The following CDC42BPA variants were observed in gnomAD, a reference collection of about 807,000 sequenced individuals.
The protein encoded by CDC42BPA is serine/threonine-protein kinase MRCK alpha.
In CDC42BPA, 80 loss-of-function variants were observed where a neutral mutation model predicts 223.5. The ratio of observed to expected loss-of-function variants is 0.36; its 90% CI spans 0.30 to 0.43. The LOEUF (loss-of-function observed/expected upper bound fraction) is 0.43, where lower values mean the gene tolerates loss of function less well. Ranked by LOEUF, CDC42BPA falls within the 20% of genes least tolerant of loss-of-function variation. The pLI is 1.00. For missense variants in CDC42BPA, 1,743 were observed against 2,099.9 expected (o/e 0.83, Z 3.32); for synonymous variants, 694 against 718.6 (o/e 0.97, Z 0.55).
In CDC42BPA at chr1:227,289,526, C is replaced by T. The variant is rs184702045; in HGVS notation, c.178+27479G>A. ...CTCTTATTTTCTTTATAGCTCTTAC[C>T]ATTATCTGAAATAATCTTATTTACA... On this transcript the variant is annotated intron_variant, in intron 1 of 36. Coordinates refer to ENST00000366766, the MANE Select transcript of CDC42BPA (RefSeq NM_001394014.1). 2.4e-3 allele frequency among the ~76,000 whole-genome samples: 367 copies of T among 152,226 alleles called. 5 individuals carry two copies. Among genetic ancestry groups the T allele is most frequent in the Non-Finnish European group, 3.9e-3 (266 of 68,008 alleles).
chr1:227,186,934 G>C (rs1005006940), intron 5 of CDC42BPA, among the ~76,000 whole-genome samples: 1 of 152,108 alleles, frequency 6.6e-6, no homozygotes, highest in Non-Finnish European at 1.5e-5. Context: ...AAGAGCTTCT[G>C]ATATTTTAAT....
rs144065998 is a variant in CDC42BPA, at chr1:227,100,227, C to T, written c.2249+765G>A. Among the ~76,000 whole-genome samples the T allele has an allele frequency of 2.8e-3, 427 of 152,248 alleles. 3 individuals carry two copies. The highest frequency in any genetic ancestry group is 9.9e-3 in the African/African-American group (413 of 41,552). On this transcript the variant is annotated intron_variant, in intron 15 of 36. Transcript: ENST00000366766. ...CACTTCTCTCCATCTTCACTATCAC[C>T]ACCTGAGGCCCACACCTCATCTCTC... is the stretch of plus-strand genomic sequence containing the variant.
intron 32 of CDC42BPA, among the ~76,000 whole-genome samples, chr1:227,018,824 T>TA (rs139557678): frequency 2.0e-5 from 3 of 152,150 alleles, no homozygotes; most frequent in South Asian, 2.1e-4. Context: ...AGTACGTGTC[T>TA]AAAAAAAATA....
At chr1:227,316,875 A>C in intron 1 of CDC42BPA, 130 bp downstream of exon 1, 2 of 687,166 alleles carry the variant, frequency 2.9e-6, no homozygotes, top group East Asian at 5.8e-5. Flanking sequence ...AAAATCTTGA[A>C]TAACTAGTGT....
At chr1:227,268,563 G>A (rs923126567) in intron 1 of CDC42BPA, among the ~76,000 whole-genome samples, 1 of 145,382 alleles carries the variant, frequency 6.9e-6, no homozygotes, top group Non-Finnish European at 1.5e-5. Context: ...ACTTTTTTCT[G>A]TATATATATA....
intron 12 of CDC42BPA, 148 bp from the exon 13 acceptor site, chr1:227,113,061 ATTAACGGCATG>A: frequency 1.4e-6 from 1 of 702,636 alleles, no homozygotes. Context: ...CTGAACAGAT[ATTAACGGCATG>A]GTGTCCTGAT....
intron 2 of CDC42BPA, among the ~76,000 whole-genome samples, chr1:227,249,079 A>G (rs1166813937): frequency 3.3e-5 from 5 of 152,210 alleles, no homozygotes; most frequent in Non-Finnish European, 5.9e-5. Flanking sequence ...TACTGACATA[A>G]AAACAGACAC....
At chr1:227,084,536 A>G (rs942584765) in intron 16 of CDC42BPA, among the ~76,000 whole-genome samples, 2 of 151,670 alleles carry the variant, frequency 1.3e-5, no homozygotes, top group Non-Finnish European at 1.5e-5. Context: ...TCAAAAAAAA[A>G]AAAAAAAAAT....
chr1:227,031,892 C>T (rs972020596), intron 27 of CDC42BPA, among the ~76,000 whole-genome samples: 24 of 152,100 alleles, frequency 1.6e-4, no homozygotes, highest in Admixed American at 1.5e-3. Flanking sequence ...CTGTTAACAT[C>T]GTCATGATTT....
chr1:227,301,215 A>T (rs1384604467), intron 1 of CDC42BPA, among the ~76,000 whole-genome samples: 1 of 152,246 alleles, frequency 6.6e-6, no homozygotes, highest in Non-Finnish European at 1.5e-5. Flanking sequence ...TGATCTGCTC[A>T]AAGAATATAC....
At chr1:227,075,678 C>CCTGAT (rs1679321131) in intron 17 of CDC42BPA, among the ~76,000 whole-genome samples, 1 of 152,004 alleles carries the variant, frequency 6.6e-6, no homozygotes, top group African/African-American at 2.4e-5. Flanking sequence ...CATTTAATTA[C>CCTGAT]CTGATCTATA....
chr1:227,113,614 T>A (rs771198702), intron 12 of CDC42BPA, among the ~76,000 whole-genome samples: 3 of 151,890 alleles, frequency 2.0e-5, no homozygotes, highest in Non-Finnish European at 2.9e-5. Flanking sequence ...ACATATGAAA[T>A]ATTTCAAGGA....
At chr1:227,302,773 T>C (rs751821926) in intron 1 of CDC42BPA, among the ~76,000 whole-genome samples, 21 of 152,124 alleles carry the variant, frequency 1.4e-4, no homozygotes, top group African/African-American at 4.1e-4. Context: ...GCCTCCTCAA[T>C]TGGTCCTCTA....
intron 6 of CDC42BPA, among the ~76,000 whole-genome samples, chr1:227,159,238 G>A (rs1302637025): frequency 6.6e-6 from 1 of 152,158 alleles, no homozygotes; most frequent in Non-Finnish European, 1.5e-5. Context: ...TGTAATCCCA[G>A]CACTTTGGGA....
In CDC42BPA at chr1:227,138,524, C is replaced by CAAAA. The variant is rs61617075; in HGVS notation, c.1390+1048_1390+1051dup. 1.1e-4 allele frequency among the ~76,000 whole-genome samples: 11 copies of CAAAA among 96,164 alleles called. 3 individuals carry two copies. Among genetic ancestry groups the CAAAA allele is most frequent in the South Asian group, 4.2e-4 (1 of 2,380 alleles). 63.1% of individuals were successfully genotyped at this position (96,164 alleles called of 152,430 possible). ...CCAGGAGATAAAGTGCCCCAGAAGC[C>CAAAA]AAAAAAAAAAAAAGAGAGCGTTATC... On this transcript the variant is annotated intron_variant, in intron 10 of 36. Coordinates refer to ENST00000366766, the MANE Select transcript of CDC42BPA (RefSeq NM_001394014.1).
intron 5 of CDC42BPA, among the ~76,000 whole-genome samples, chr1:227,180,047 A>T (rs1200102761): frequency 6.6e-6 from 1 of 152,106 alleles, no homozygotes; most frequent in Non-Finnish European, 1.5e-5. Flanking sequence ...CTCTACTAAA[A>T]ATACAAAACT....
intron 21 of CDC42BPA, among the ~76,000 whole-genome samples, chr1:227,066,204 C>T (rs1677030362): frequency 6.6e-6 from 1 of 152,094 alleles, no homozygotes; most frequent in Non-Finnish European, 1.5e-5. Flanking sequence ...GCCTGGCCAA[C>T]ATGGTGAAAG....
intron 11 of CDC42BPA, among the ~76,000 whole-genome samples, chr1:227,121,860 G>C (rs1688728325): frequency 6.7e-6 from 1 of 149,780 alleles, no homozygotes; most frequent in Admixed American, 6.7e-5. Flanking sequence ...GAGAGCTATG[G>C]TGTGATATCG....
chr1:227,155,442 C>G (rs540328357), intron 6 of CDC42BPA, among the ~76,000 whole-genome samples: 2 of 152,250 alleles, frequency 1.3e-5, no homozygotes, highest in South Asian at 2.1e-4. Flanking sequence ...TATCACCACA[C>G]AGGATCCAGG....
Sources: allele counts gnomAD v4.1 joint callset (sites outside exome capture counted in the v4.1 genomes callset), GRCh38; gene constraint gnomAD v4.1.1; transcripts MANE v1.5; gene names NCBI Gene and HGNC (gene_info 2026-07-23, HGNC 2026-07-21).